Variants in MMAA observed in about 807,000 individuals in gnomAD.
MMAA encodes the protein methylmalonic aciduria type A protein, mitochondrial.
In MMAA, 41 loss-of-function variants were observed where a neutral mutation model predicts 45.0. The ratio of observed to expected loss-of-function variants is 0.91; its 90% CI spans 0.71 to 1.18. MMAA has a LOEUF of 1.18. Ranked by LOEUF, MMAA falls within the 50% of genes most tolerant of loss-of-function variation. The probability of loss-of-function intolerance (pLI) is 0.00; values close to 1 mark genes in which losing one functional copy is unlikely to be tolerated. For synonymous variants in MMAA, 154 were observed against 178.2 expected, an observed-to-expected ratio of 0.86 and a Z score of 1.08; for missense variants, 460 against 495.7, an observed-to-expected ratio of 0.93 and a Z score of 0.68.
chr4:145,652,622 T>C (rs187314202), intron 5 of MMAA, among the ~76,000 whole-genome samples: 86 of 151,856 alleles, frequency 5.7e-4, no homozygotes, highest in African/African-American at 1.9e-3. Flanking sequence ...CCCAGCTACT[T>C]GGGAGGCTGA....
chr4:145,639,827 C>T, intron 2 of MMAA: 1 of 984,456 alleles, frequency 1.0e-6, no homozygotes, highest in Non-Finnish European at 1.2e-6. Flanking sequence ...GAATCTTGCT[C>T]TGGATCCCAG....
chr4:145,626,578 T>C (rs1734210849), intron 1 of MMAA, among the ~76,000 whole-genome samples: 1 of 152,236 alleles, frequency 6.6e-6, no homozygotes, highest in African/African-American at 2.4e-5. Context: ...TAGCCAGCCA[T>C]AATCAGGCAT....
intron 1 of MMAA, among the ~76,000 whole-genome samples, chr4:145,619,647 C>T (rs928174073): frequency 1.3e-5 from 2 of 152,106 alleles, no homozygotes; most frequent in Non-Finnish European, 2.9e-5. Context: ...AAAGAAAGGC[C>T]CTGTACGTAA....
At chr4:145,634,585 A>G (rs1219818575) in intron 1 of MMAA, among the ~76,000 whole-genome samples, 1 of 152,012 alleles carries the variant, frequency 6.6e-6, no homozygotes, top group East Asian at 1.9e-4. Context: ...CTAACATGCC[A>G]GACAAATTCC....
intron 1 of MMAA, among the ~76,000 whole-genome samples, chr4:145,628,148 ATAAT>A (rs1171606326): frequency 2.0e-5 from 3 of 152,172 alleles, no homozygotes; most frequent in Non-Finnish European, 2.9e-5. Context: ...GGCAAAGATA[ATAAT>A]TAAATCATGA....
In MMAA at chr4:145,655,224, G is replaced by A; in HGVS notation, c.1047G>A (p.Met349Ile). 1 of 1,614,180 alleles carries A rather than the reference G, an allele frequency of 6.2e-7. No individual in the cohort carries two copies. The highest frequency in any genetic ancestry group is 1.3e-5 in the African/African-American group (1 of 75,046). Reference protein sequence around the residue: ...WDKMKDFQDLMLASGELTAKR... With the variant: ...WDKMKDFQDLILASGELTAKR... ...AAATGAAAGATTTCCAGGACCTAAT[G>A]CTTGCCAGTGGGGAGCTGACTGCCA... Residue 349 changes from methionine to isoleucine, a missense_variant, in exon 7 of 7, where the codon ATG becomes ATA. Coordinates refer to ENST00000649156, the MANE Select transcript of MMAA (RefSeq NM_172250.3).
chr4:145,646,235 T>A, intron 4 of MMAA, 79 bp downstream of exon 4: 1 of 1,529,714 alleles, frequency 6.5e-7, no homozygotes, highest in Non-Finnish European at 9.0e-7. Context: ...TTATTTTTGT[T>A]CATTCAGCAG....
At chr4:145,625,197 G>A in intron 1 of MMAA, 2 of 1,424,914 alleles carry the variant, frequency 1.4e-6, no homozygotes, top group African/African-American at 1.4e-5. Context: ...GTAGTGGAAT[G>A]GCTGTTACAC....
intron 5 of MMAA, among the ~76,000 whole-genome samples, chr4:145,653,248 T>C (rs956763438): frequency 6.6e-6 from 1 of 152,236 alleles, no homozygotes; most frequent in Admixed American, 6.5e-5. Context: ...AGACTATCGC[T>C]GCTTATTTAG....
At position 145,657,045 on chromosome 4, in the gene MMAA, C is replaced by T. The variant is rs1274688779; in HGVS notation, c.*1611C>T. 6.6e-6 allele frequency: 1 copy of T among 152,074 alleles called. No homozygotes were observed. The highest frequency in any genetic ancestry group is 2.4e-5 in the African/African-American group (1 of 41,392). 9.4% of individuals were successfully genotyped at this position (152,074 alleles called of 1,614,324 possible). On this transcript the variant is annotated 3_prime_UTR_variant, in exon 7 of 7. Coordinates refer to ENST00000649156, the MANE Select transcript of MMAA (RefSeq NM_172250.3). The stretch of plus-strand genomic sequence containing the variant: ...CTGAGAGAAGGAATTTTATAATTTC[C>T]CTGAGTAAGCTGTTACAGGGAATAA...
At chr4:145,648,308 C>T (rs1182915782) in intron 4 of MMAA, among the ~76,000 whole-genome samples, 1 of 151,770 alleles carries the variant, frequency 6.6e-6, no homozygotes, top group Non-Finnish European at 1.5e-5. Context: ...CCACCACACC[C>T]GGCTAATTTT....
chr4:145,651,693 C>T (rs1369790856), intron 5 of MMAA, among the ~76,000 whole-genome samples: 1 of 152,178 alleles, frequency 6.6e-6, no homozygotes, highest in Admixed American at 6.5e-5. Flanking sequence ...TTTGAGGGTT[C>T]CCATTATCCC....
In MMAA at chr4:145,655,537, C is replaced by T. The variant is rs1322027099; in HGVS notation, c.*103C>T. The stretch of plus-strand genomic sequence containing the variant: ...TTTTCAGTAATTATTGTATGGTGCT[C>T]TTGTCTTCTTTGTTTGTGACCCATG... On this transcript the variant is annotated 3_prime_UTR_variant, in exon 7 of 7. Coordinates refer to ENST00000649156, the MANE Select transcript of MMAA (RefSeq NM_172250.3). 2.7e-6 allele frequency: 3 copies of T among 1,121,438 alleles called. No individual in the cohort carries two copies. In the African/African-American group the frequency reaches 4.8e-5, roughly 18 times the overall value. The allele number at this position is 1,121,438 out of a possible 1,614,324, so 69.5% of individuals were successfully genotyped here.
rs1315370286 is a variant in MMAA at position 145,654,065 on chromosome 4, G to A, written c.891G>A (p.Val297=). The A allele has an allele frequency of 1.9e-6, 3 of 1,614,042 alleles. No individual in the cohort carries two copies. In the African/African-American group the frequency reaches 4.0e-5, roughly 22 times the overall value. Residue 297 remains valine, a synonymous_variant, in exon 6 of 7, where the codon GTG becomes GTA. Coordinates refer to ENST00000649156, the MANE Select transcript of MMAA (RefSeq NM_172250.3). ...CTAAATCTGATGGAGACTTGATTGT[G>A]CCAGCTCGAAGGATACAAGCGGAAT... ...AVTKSDGDLI[V]PARRIQAEYV...
At chr4:145,651,027 G>A in intron 4 of MMAA, 35 bp from the exon 5 acceptor site, 1 of 1,570,722 alleles carries the variant, frequency 6.4e-7, no homozygotes, top group Non-Finnish European at 8.8e-7. Flanking sequence ...ATAATGGTGA[G>A]TATTTTAGGA....
At position 145,654,024 on chromosome 4, in the gene MMAA, G is replaced by C. The variant is rs758654806; in HGVS notation, c.850G>C (p.Asp284His). 8.1e-6 allele frequency: 13 copies of C among 1,614,074 alleles called. No homozygotes were observed. In the African/African-American group the frequency reaches 1.1e-4, roughly 13 times the overall value. ...CAAAAGGGGTATAATCGAGATGGCA[G>C]ATCTGGTAGCTGTAACTAAATCTGA... is the stretch of plus-strand genomic sequence containing the variant. ...GIKRGIIEMA[D>H]LVAVTKSDGD... The change falls in exon 6 of 7, where the codon GAT becomes CAT. Residue 284 changes from aspartate to histidine, a missense_variant. Transcript: ENST00000649156.
Position 145,657,482 on chromosome 4 carries a change from G to A in MMAA, c.*2048G>A, listed in dbSNP as rs918117149. ...CATAGGTTTTGACTTAGATACATGTGGGGGCAGATCTCAGCTCTATCACTA... is the reference window on the plus strand; with the variant it reads ...CATAGGTTTTGACTTAGATACATGTAGGGGCAGATCTCAGCTCTATCACTA... On this transcript the variant is annotated 3_prime_UTR_variant, in exon 7 of 7. Transcript: ENST00000649156. 2 of 151,950 alleles carry A rather than the reference G, an allele frequency of 1.3e-5. No homozygotes were observed. Among genetic ancestry groups the A allele is most frequent in the South Asian group, 2.1e-4 (1 of 4,818 alleles). 9.4% of individuals were successfully genotyped at this position (151,950 alleles called of 1,614,324 possible).
At chr4:145,651,266 C>A in intron 5 of MMAA, 119 bp downstream of exon 5, 1 of 873,218 alleles carries the variant, frequency 1.1e-6, no homozygotes, top group South Asian at 1.5e-5. Context: ...AAATATCATT[C>A]ATGTTGGCTA....
chr4:145,641,510 T>A (rs1251336441), intron 2 of MMAA, among the ~76,000 whole-genome samples: 1 of 152,252 alleles, frequency 6.6e-6, no homozygotes, highest in African/African-American at 2.4e-5. Context: ...ATTTTGAGTG[T>A]AGTTAGTTAA....
Sources: gnomAD v4.1 joint callset for allele counts (sites outside exome capture counted in the v4.1 genomes callset) on GRCh38, gnomAD v4.1.1 for gene constraint, MANE v1.5 for transcripts, NCBI Gene and HGNC (gene_info 2026-07-23, HGNC 2026-07-21) for gene names.